FAM227B: variants seen among roughly 807,000 people sequenced by gnomAD.
FAM227B encodes the protein family with sequence similarity 227 member B, also known as protein FAM227B.
In FAM227B, 88 loss-of-function variants were observed where a neutral mutation model predicts 73.8. That is an observed-to-expected ratio of 1.19 (90% CI 1.00 to 1.42). FAM227B has a LOEUF of 1.42. FAM227B is among the 40% of genes most tolerant of loss of function. The pLI is 0.00. For missense variants in FAM227B, 632 were observed against 590.9 expected (o/e 1.07, Z -0.72); for synonymous variants, 210 against 190.5 (o/e 1.10, Z -0.84).
intron 13 of FAM227B, among the ~76,000 whole-genome samples, chr15:49,337,508 C>CTTTTTTTT (rs33973907): frequency 1.4e-4 from 5 of 36,084 alleles, no homozygotes; most frequent in African/African-American, 2.5e-4. Context: ...CATTTACCCA[C>CTTTTTTTT]TTTTTTTTTT....
chr15:49,368,199 CA>C (rs2045506452), intron 12 of FAM227B, among the ~76,000 whole-genome samples: 1 of 151,710 alleles, frequency 6.6e-6, no homozygotes, highest in Non-Finnish European at 1.5e-5. Context: ...ACCTGTTGAC[CA>C]AAAATTCTAT....
In FAM227B at chr15:49,371,310, C is replaced by T; in HGVS notation, c.1102G>A (p.Ala368Thr). 6.3e-7 allele frequency: 1 copy of T among 1,577,438 alleles called. No individual in the cohort carries two copies. The change falls in exon 12 of 16, where the codon GCA becomes ACA. Residue 368 changes from alanine to threonine, a missense_variant. By Grantham distance (58) the Ala-to-Thr change is moderately conservative. Coordinates refer to ENST00000299338, the MANE Select transcript of FAM227B (RefSeq NM_152647.3). ...SKEESRLSRLATKSHYSSTGP... is the reference protein window; with the variant it reads ...SKEESRLSRLTTKSHYSSTGP... ...ATTATTATACTCCAAACCTTTGTTG[C>T]TAGTCTTGATAATCTTGATTCTTCC...
chr15:49,615,879 A>C (rs1332254910), intron 1 of FAM227B, among the ~76,000 whole-genome samples: 2 of 152,198 alleles, frequency 1.3e-5, no homozygotes, highest in Non-Finnish European at 2.9e-5. Flanking sequence ...TATAAGAAAG[A>C]TTGGCCTGAA....
chr15:49,478,441 TGAATG>T (rs1343511580), intron 11 of FAM227B, among the ~76,000 whole-genome samples: 6 of 152,104 alleles, frequency 3.9e-5, no homozygotes, highest in African/African-American at 1.4e-4. Flanking sequence ...TGATGTAAAA[TGAATG>T]GAATCTATAG....
At chr15:49,363,417 C>G (rs1327184640) in intron 13 of FAM227B, among the ~76,000 whole-genome samples, 1 of 152,044 alleles carries the variant, frequency 6.6e-6, no homozygotes, top group Non-Finnish European at 1.5e-5. Context: ...TGATTTGATT[C>G]TCAGCTTGGA....
intron 9 of FAM227B, among the ~76,000 whole-genome samples, chr15:49,553,577 A>G (rs2073295496): frequency 1.3e-5 from 2 of 152,148 alleles, no homozygotes; most frequent in South Asian, 4.1e-4. Flanking sequence ...GAGACTAAAG[A>G]AAAAAAACCT....
At chr15:49,500,220 T>C (rs2058026595) in intron 11 of FAM227B, among the ~76,000 whole-genome samples, 1 of 152,144 alleles carries the variant, frequency 6.6e-6, no homozygotes, top group Admixed American at 6.5e-5. Flanking sequence ...ACGAACTAAC[T>C]AAATAAATAA....
intron 10 of FAM227B, among the ~76,000 whole-genome samples, chr15:49,519,789 G>A (rs1468259042): frequency 6.6e-6 from 1 of 152,088 alleles, no homozygotes; most frequent in African/African-American, 2.4e-5. Flanking sequence ...TTTCCCCATT[G>A]TCTTAGCAAT....
At chr15:49,357,318 C>T (rs1377881799) in intron 13 of FAM227B, among the ~76,000 whole-genome samples, 1 of 149,866 alleles carries the variant, frequency 6.7e-6, no homozygotes, top group African/African-American at 2.5e-5. Flanking sequence ...AAAGGATCAA[C>T]AAAATTGATA....
chr15:49,380,900 A>G (rs1280044176), intron 11 of FAM227B, among the ~76,000 whole-genome samples: 1 of 152,134 alleles, frequency 6.6e-6, no homozygotes, highest in Non-Finnish European at 1.5e-5. Flanking sequence ...GAGGCTGGGT[A>G]ACTAATAAAG....
chr15:49,538,630 T>G (rs778697659), intron 10 of FAM227B, among the ~76,000 whole-genome samples: 31 of 152,178 alleles, frequency 2.0e-4, no homozygotes, highest in Non-Finnish European at 8.8e-5. Flanking sequence ...CTATAAACCC[T>G]GTAGACTTTC....
intron 13 of FAM227B, among the ~76,000 whole-genome samples, chr15:49,337,413 G>A (rs1475090756): frequency 3.8e-4 from 56 of 146,976 alleles, no homozygotes; most frequent in Non-Finnish European, 3.0e-5. Context: ...ATCTCATTGT[G>A]GTTTTCGTTT....
chr15:49,450,989 G>T (rs2052671962), intron 11 of FAM227B, among the ~76,000 whole-genome samples: 1 of 152,052 alleles, frequency 6.6e-6, no homozygotes, highest in African/African-American at 2.4e-5. Flanking sequence ...CCTGGTCAGT[G>T]CCATCTGTAT....
At chr15:49,618,342 G>GT (rs1417043481) in intron 1 of FAM227B, among the ~76,000 whole-genome samples, 1 of 152,156 alleles carries the variant, frequency 6.6e-6, no homozygotes. Context: ...ACTAAAGGCT[G>GT]TAACGCTGTA....
chr15:49,431,722 A>G (rs1390911789), intron 11 of FAM227B, among the ~76,000 whole-genome samples: 1 of 151,794 alleles, frequency 6.6e-6, no homozygotes, highest in Non-Finnish European at 1.5e-5. Context: ...AGAGCAAAAG[A>G]GAAAAGGAAA....
chr15:49,516,481 T>C (rs958632726), intron 10 of FAM227B, among the ~76,000 whole-genome samples: 2 of 152,022 alleles, frequency 1.3e-5, no homozygotes, highest in Non-Finnish European at 2.9e-5. Flanking sequence ...CTACAACTTC[T>C]GATGGGTTCA....
At chr15:49,362,290 G>A (rs553917083) in intron 13 of FAM227B, among the ~76,000 whole-genome samples, 27 of 152,150 alleles carry the variant, frequency 1.8e-4, no homozygotes, top group African/African-American at 6.5e-4. Flanking sequence ...TGGCTTAAAA[G>A]TGTATGGCAC....
At chr15:49,386,580 C>G (rs2046897878) in intron 11 of FAM227B, among the ~76,000 whole-genome samples, 1 of 151,756 alleles carries the variant, frequency 6.6e-6, no homozygotes, top group Admixed American at 6.6e-5. Flanking sequence ...GACCTAATGT[C>G]ACACCTCAAG....
chr15:49,473,513 ACACT>A (rs2054973246), intron 11 of FAM227B, among the ~76,000 whole-genome samples: 1 of 152,178 alleles, frequency 6.6e-6, no homozygotes, highest in Non-Finnish European at 1.5e-5. Flanking sequence ...CTGGCAATAA[ACACT>A]CAGTAAATAC....
Sources: allele counts gnomAD v4.1 joint callset (sites outside exome capture counted in the v4.1 genomes callset), GRCh38; gene constraint gnomAD v4.1.1; transcripts MANE v1.5; gene names NCBI Gene and HGNC (gene_info 2026-07-23, HGNC 2026-07-21).